Variants in TAFA1 observed in about 807,000 individuals in gnomAD.
The protein encoded by TAFA1 is TAFA chemokine like family member 1.
Under a neutral mutation model 18.5 loss-of-function variants are expected in TAFA1, and 4 were observed. That is an observed-to-expected ratio of 0.22 (90% CI 0.11 to 0.49). The LOEUF (loss-of-function observed/expected upper bound fraction) is 0.49, where lower values mean the gene tolerates loss of function less well. Among genes scored for constraint, TAFA1 ranks in the 20% least tolerant of loss-of-function variants. The pLI is 0.98. For missense variants in TAFA1, 147 were observed against 169.0 expected, an observed-to-expected ratio of 0.87 and a Z score of 0.72; for synonymous variants, 56 against 55.2, an observed-to-expected ratio of 1.01 and a Z score of -0.06.
At chr3:68,078,638 G>T (rs1159980801) in intron 2 of TAFA1, among the ~76,000 whole-genome samples, 1 of 152,000 alleles carries the variant, frequency 6.6e-6, no homozygotes, top group Admixed American at 6.5e-5. Flanking sequence ...TATTGAACCA[G>T]CCTTGCATCC....
chr3:68,071,392 A>G (rs2064753592), intron 2 of TAFA1, among the ~76,000 whole-genome samples: 2 of 151,960 alleles, frequency 1.3e-5, no homozygotes, highest in Non-Finnish European at 2.9e-5. Flanking sequence ...GGTCCCTCCC[A>G]AACATGAGAA....
At chr3:68,538,353 T>C (rs1372944436) in intron 3 of TAFA1, among the ~76,000 whole-genome samples, 2 of 152,216 alleles carry the variant, frequency 1.3e-5, no homozygotes, top group Non-Finnish European at 2.9e-5. Context: ...AAAGGCAGTT[T>C]ACTTTTGGGA....
rs199655965 is a variant in TAFA1, at chr3:68,263,446, T to C, written c.119-153834T>C. Reference sequence around the variant, plus strand: ...AACAGATACTTTAACCACACACACATACACACACACACACACACACACACA... The same window carrying C: ...AACAGATACTTTAACCACACACACACACACACACACACACACACACACACA... On this transcript the variant is annotated intron_variant, in intron 2 of 4. Coordinates refer to ENST00000478136, the MANE Select transcript of TAFA1 (RefSeq NM_213609.4). Among the ~76,000 whole-genome samples, 381 of 137,780 alleles carry C rather than the reference T, an allele frequency of 2.8e-3. 1 individual carries two copies. Among genetic ancestry groups the C allele is most frequent in the African/African-American group, 7.3e-3 (274 of 37,376 alleles). The allele number at this position is 137,780 out of a possible 152,430, so 90.4% of individuals were successfully genotyped here. A position where few individuals can be genotyped will look rare whatever the true frequency, so the allele number is the denominator to read the frequency against.
At chr3:68,430,484 C>T (rs373549690) in intron 3 of TAFA1, among the ~76,000 whole-genome samples, 1 of 151,918 alleles carries the variant, frequency 6.6e-6, no homozygotes, top group Non-Finnish European at 1.5e-5. Flanking sequence ...AAAACTGAGT[C>T]ATGCTAATCA....
At chr3:68,276,157 TA>T (rs141106318) in intron 2 of TAFA1, among the ~76,000 whole-genome samples, 101 of 142,382 alleles carry the variant, frequency 7.1e-4, no homozygotes, top group South Asian at 8.9e-4. Context: ...ATAACCCAAC[TA>T]AAAAAAAAAA....
At chr3:68,454,046 A>G (rs759802491) in intron 3 of TAFA1, among the ~76,000 whole-genome samples, 9 of 152,220 alleles carry the variant, frequency 5.9e-5, no homozygotes, top group Non-Finnish European at 1.2e-4. Flanking sequence ...CCAATGGGGC[A>G]CCTACAGCAA....
At position 68,370,371 on chromosome 3, in the gene TAFA1, TATATATACAC is replaced by T. The variant is rs2069666116; in HGVS notation, c.119-46901_119-46892del. 3.8e-5 allele frequency among the ~76,000 whole-genome samples: 3 copies of T among 79,672 alleles called. No homozygotes were observed. In the East Asian group the frequency reaches 1.3e-3, roughly 34 times the overall value. 52.3% of individuals were successfully genotyped at this position (79,672 alleles called of 152,430 possible). On this transcript the variant is annotated intron_variant, in intron 2 of 4. Coordinates refer to ENST00000478136, the MANE Select transcript of TAFA1 (RefSeq NM_213609.4). ...ATATATATACACACACACACACATA[TATATATACAC>T]ATATATATACACACATATATATACA...
intron 2 of TAFA1, among the ~76,000 whole-genome samples, chr3:68,311,547 T>C (rs1174171765): frequency 2.6e-5 from 4 of 152,176 alleles, no homozygotes; most frequent in African/African-American, 9.7e-5. Flanking sequence ...ACAAGCCCCA[T>C]ACAAATCCAA....
At chr3:68,365,977 C>T (rs571824028) in intron 2 of TAFA1, among the ~76,000 whole-genome samples, 10 of 149,296 alleles carry the variant, frequency 6.7e-5, no homozygotes, top group South Asian at 6.6e-4. Context: ...CCCAGCTACT[C>T]GGGAGGCTGA....
chr3:68,305,018 A>G (rs1285980849), intron 2 of TAFA1, among the ~76,000 whole-genome samples: 1 of 152,118 alleles, frequency 6.6e-6, no homozygotes, highest in Non-Finnish European at 1.5e-5. Context: ...GGCCAAAACT[A>G]AGTACCACAG....
chr3:68,122,378 G>A (rs1047278577), intron 2 of TAFA1, among the ~76,000 whole-genome samples: 1 of 152,094 alleles, frequency 6.6e-6, no homozygotes, highest in African/African-American at 2.4e-5. Flanking sequence ...CCAGAAGAAT[G>A]TTTTATCTTC....
At chr3:68,114,247 G>A (rs909732279) in intron 2 of TAFA1, among the ~76,000 whole-genome samples, 1 of 152,072 alleles carries the variant, frequency 6.6e-6, no homozygotes, top group African/African-American at 2.4e-5. Context: ...AGACATGTGA[G>A]TGAGGCCGTC....
chr3:68,318,950 A>T (rs182138958), intron 2 of TAFA1, among the ~76,000 whole-genome samples: 3,949 of 152,186 alleles, frequency 0.026, 88 homozygotes, highest in East Asian at 0.098. Flanking sequence ...CATTTTTTTT[A>T]AAATTACCTT....
intron 3 of TAFA1, among the ~76,000 whole-genome samples, chr3:68,421,728 T>G (rs1171048243): frequency 1.3e-5 from 2 of 152,120 alleles, no homozygotes; most frequent in Non-Finnish European, 2.9e-5. Context: ...ATCTTCTATA[T>G]AATGTTTTTT....
At chr3:68,217,960 G>T (rs2066679870) in intron 2 of TAFA1, among the ~76,000 whole-genome samples, 1 of 152,020 alleles carries the variant, frequency 6.6e-6, no homozygotes, top group South Asian at 2.1e-4. Flanking sequence ...AGGTTTAGAG[G>T]AACCTCTGAA....
At chr3:68,435,504 A>T (rs2071253264) in intron 3 of TAFA1, among the ~76,000 whole-genome samples, 1 of 152,164 alleles carries the variant, frequency 6.6e-6, no homozygotes, top group Non-Finnish European at 1.5e-5. Flanking sequence ...AATTGTTTCT[A>T]GTATAATTGC....
intron 2 of TAFA1, among the ~76,000 whole-genome samples, chr3:68,370,893 G>A (rs2106817343): frequency 6.7e-6 from 1 of 148,912 alleles, no homozygotes; most frequent in South Asian, 2.3e-4. Flanking sequence ...GAATCAGTTT[G>A]AGAAGATATT....
At chr3:68,263,171 A>G (rs1308248070) in intron 2 of TAFA1, among the ~76,000 whole-genome samples, 1 of 152,128 alleles carries the variant, frequency 6.6e-6, no homozygotes, top group African/African-American at 2.4e-5. Flanking sequence ...GTCTCAATTC[A>G]GAGATTCTAA....
At chr3:68,504,724 G>A (rs928382384) in intron 3 of TAFA1, among the ~76,000 whole-genome samples, 4 of 151,894 alleles carry the variant, frequency 2.6e-5, no homozygotes, top group African/African-American at 9.7e-5. Flanking sequence ...TTAAGCTAAT[G>A]AGCTTTAAAA....
Sources: allele counts gnomAD v4.1 joint callset (sites outside exome capture counted in the v4.1 genomes callset), GRCh38; gene constraint gnomAD v4.1.1; transcripts MANE v1.5; gene names NCBI Gene and HGNC (gene_info 2026-07-23, HGNC 2026-07-21).